RBFOX1: variants seen among roughly 807,000 people sequenced by gnomAD.
RBFOX1 encodes the protein RNA binding protein fox-1 homolog 1.
A neutral mutation model predicts 57.7 loss-of-function variants in RBFOX1; 8 were observed. The ratio of observed to expected loss-of-function variants is 0.14; its 90% confidence interval spans 0.08 to 0.25. The LOEUF (loss-of-function observed/expected upper bound fraction) is 0.25. RBFOX1 is among the 10% of genes least tolerant of loss of function. The probability of loss-of-function intolerance (pLI) is 1.00; values close to 1 mark genes in which losing one functional copy is unlikely to be tolerated. For missense variants in RBFOX1, 611 were observed against 548.5 expected, an observed-to-expected ratio of 1.11 and a Z score of -1.14; for synonymous variants, 326 against 222.4, an observed-to-expected ratio of 1.47 and a Z score of -4.15.
chr16:5,433,679 C>T (rs34114746), intron 1 of RBFOX1, among the ~76,000 whole-genome samples: 87,613 of 152,038 alleles, frequency 0.58, 25,441 homozygotes, highest in East Asian at 0.67. Flanking sequence ...GCAATTACAA[C>T]GAATAAATGA....
chr16:7,377,659 G>C (rs1018740108), intron 4 of RBFOX1, among the ~76,000 whole-genome samples: 1 of 152,136 alleles, frequency 6.6e-6, no homozygotes, highest in African/African-American at 2.4e-5. Flanking sequence ...TCATTTATTT[G>C]TGTATTCATT....
At chr16:7,162,946 C>G (rs994477779) in intron 4 of RBFOX1, among the ~76,000 whole-genome samples, 1 of 152,152 alleles carries the variant, frequency 6.6e-6, no homozygotes, top group Non-Finnish European at 1.5e-5. Context: ...TTGGCCATCA[C>G]CTGACCTAAT....
chr16:6,711,858 C>G lies in RBFOX1; in HGVS notation c.-16+57208C>G, dbSNP rs147272586. On this transcript the variant is annotated intron_variant, in intron 3 of 15. Coordinates refer to ENST00000550418, the MANE Select transcript of RBFOX1 (RefSeq NM_018723.4). Reference sequence around the variant, plus strand: ...CCCCAGGTACCCCTAGGTCTTATTCCTACCCAATTTGAGGTCTTTACTCAA... The same window carrying G: ...CCCCAGGTACCCCTAGGTCTTATTCGTACCCAATTTGAGGTCTTTACTCAA... 3.5e-3 allele frequency among the ~76,000 whole-genome samples: 540 copies of G among 152,252 alleles called. 1 individual carries two copies. Among genetic ancestry groups the G allele is most frequent in the Admixed American group, 7.4e-3 (113 of 15,290 alleles).
intron 4 of RBFOX1, among the ~76,000 whole-genome samples, chr16:7,445,189 A>C (rs368497795): frequency 6.6e-6 from 1 of 152,268 alleles, no homozygotes. Flanking sequence ...CAAGGATTAA[A>C]CAAAGGAAAG....
chr16:6,868,481 G>T (rs1197805766), intron 3 of RBFOX1, among the ~76,000 whole-genome samples: 1 of 141,270 alleles, frequency 7.1e-6, no homozygotes, highest in South Asian at 2.2e-4. Context: ...ATTGGTTTAT[G>T]ATTTTTTTTT....
intron 2 of RBFOX1, among the ~76,000 whole-genome samples, chr16:6,366,919 C>A (rs1391041708): frequency 6.6e-6 from 1 of 152,206 alleles, no homozygotes; most frequent in African/African-American, 2.4e-5. Flanking sequence ...GTTCTTCTGA[C>A]TGTGTGTCAC....
chr16:6,715,388 T>C (rs889125978), intron 3 of RBFOX1, among the ~76,000 whole-genome samples: 6 of 152,168 alleles, frequency 3.9e-5, no homozygotes, highest in Non-Finnish European at 7.3e-5. Context: ...CAGCTTTATC[T>C]TGCTGCATTA....
chr16:6,641,624 A>T (rs184329449), intron 2 of RBFOX1, among the ~76,000 whole-genome samples: 1 of 151,668 alleles, frequency 6.6e-6, no homozygotes, highest in Non-Finnish European at 1.5e-5. Flanking sequence ...AATCCCAGCT[A>T]CTCAAGAGGC....
intron 3 of RBFOX1, among the ~76,000 whole-genome samples, chr16:6,938,052 T>C (rs1336309739): frequency 1.3e-5 from 2 of 151,356 alleles, no homozygotes; most frequent in African/African-American, 4.8e-5. Flanking sequence ...CTAATTGTGA[T>C]ATGGATATCC....
At chr16:7,292,539 C>CAT (rs2095812158) in intron 4 of RBFOX1, among the ~76,000 whole-genome samples, 1 of 144,380 alleles carries the variant, frequency 6.9e-6, no homozygotes, top group Non-Finnish European at 1.5e-5. Context: ...TATACACACA[C>CAT]ACACACACAC....
chr16:5,610,448 G>T (rs1251872868), intron 3 of RBFOX1: 3 of 152,236 alleles, frequency 2.0e-5, no homozygotes, highest in Admixed American at 6.5e-5. Context: ...AGGGAACAGG[G>T]ACATGGGTAT....
chr16:6,494,382 C>G (rs1193625837), intron 2 of RBFOX1, among the ~76,000 whole-genome samples: 1 of 152,196 alleles, frequency 6.6e-6, no homozygotes, highest in African/African-American at 2.4e-5. Context: ...CCACCTGCCC[C>G]TGTTCTTAAC....
intron 2 of RBFOX1, among the ~76,000 whole-genome samples, chr16:5,576,749 G>A (rs1032619659): frequency 2.0e-5 from 3 of 152,186 alleles, no homozygotes; most frequent in Admixed American, 1.3e-4. Flanking sequence ...CCTTCTGGGT[G>A]GATGTCAGCA....
chr16:5,268,655 A>T (rs1919060), intron 1 of RBFOX1, among the ~76,000 whole-genome samples: 2 of 152,234 alleles, frequency 1.3e-5, no homozygotes, highest in African/African-American at 2.4e-5. Flanking sequence ...AGACCAGTCA[A>T]TGTGCCCTCA....
intron 2 of RBFOX1, among the ~76,000 whole-genome samples, chr16:6,500,049 C>G (rs866338386): frequency 1.3e-5 from 2 of 152,084 alleles, no homozygotes; most frequent in Non-Finnish European, 2.9e-5. Flanking sequence ...TTTATTTCTT[C>G]TTTTGTGAAC....
chr16:5,497,835 AC>A (rs1715576879), intron 2 of RBFOX1, among the ~76,000 whole-genome samples: 1 of 152,164 alleles, frequency 6.6e-6, no homozygotes, highest in South Asian at 2.1e-4. Context: ...CCCAAGAATA[AC>A]AAAGTGATGA....
chr16:7,568,881 T>TAAAAAAA (rs1376970317), intron 5 of RBFOX1, among the ~76,000 whole-genome samples: 1 of 30,642 alleles, frequency 3.3e-5, no homozygotes, highest in Non-Finnish European at 1.0e-4. Flanking sequence ...AGACTCTGTC[T>TAAAAAAA]CAAAAAAAAA....
At chr16:6,573,402 T>G (rs1271301354) in intron 2 of RBFOX1, among the ~76,000 whole-genome samples, 1 of 152,200 alleles carries the variant, frequency 6.6e-6, no homozygotes, top group Non-Finnish European at 1.5e-5. Context: ...TACTTTATCC[T>G]GGCCTGTCTC....
rs191127661 is a variant in RBFOX1 at position 5,269,139 on chromosome 16, A to G, written c.219+29034A>G. On this transcript the variant is annotated intron_variant, in intron 1 of 2. Coordinates refer to the RBFOX1 transcript ENST00000585867. ...ACCATGTTGGCCAGGCTGGTCTCAA[A>G]CTCCTGGCCTCAGGTGATACACCCA... 6.6e-5 allele frequency among the ~76,000 whole-genome samples: 10 copies of G among 151,566 alleles called. No individual in the cohort carries two copies. The East Asian group carries it at 1.6e-3, about 24-fold the overall frequency.
Sources: allele counts gnomAD v4.1 joint callset (sites outside exome capture counted in the v4.1 genomes callset), GRCh38; gene constraint gnomAD v4.1.1; transcripts MANE v1.5; gene names NCBI Gene and HGNC (gene_info 2026-07-23, HGNC 2026-07-21).